The following USP15 variants were observed in gnomAD, a reference collection of about 807,000 sequenced individuals.
The protein encoded by USP15 is ubiquitin specific peptidase 15.
In USP15, 18 loss-of-function variants were observed where a neutral mutation model predicts 127.1. The observed-to-expected ratio is 0.14, with a 90% confidence interval of 0.10 to 0.21. USP15 has a LOEUF of 0.21. Among genes scored for constraint, USP15 ranks in the 10% least tolerant of loss-of-function variants. USP15 has a pLI of 1.00. For missense variants in USP15, 805 were observed against 1,159.9 expected, an observed-to-expected ratio of 0.69 and a Z score of 4.44; for synonymous variants, 364 against 393.7, an observed-to-expected ratio of 0.92 and a Z score of 0.89.
At chr12:62,285,552 C>T (rs1162433027) in intron 1 of USP15, among the ~76,000 whole-genome samples, 1 of 152,006 alleles carries the variant, frequency 6.6e-6, no homozygotes, top group Non-Finnish European at 1.5e-5. Context: ...AAAGTGTTTC[C>T]TAAGATAATG....
intron 8 of USP15, among the ~76,000 whole-genome samples, chr12:62,368,780 A>AT (rs1452957507): frequency 6.6e-6 from 1 of 152,106 alleles, no homozygotes; most frequent in Non-Finnish European, 1.5e-5. Flanking sequence ...GTGTCTTTTA[A>AT]TTGAGGCATT....
chr12:62,369,062 C>T (rs11615398), intron 8 of USP15, among the ~76,000 whole-genome samples: 11,862 of 152,166 alleles, frequency 0.078, 584 homozygotes, highest in Middle Eastern at 0.16. Flanking sequence ...TTTTAAAAGA[C>T]AGTACTTGTC....
intron 2 of USP15, among the ~76,000 whole-genome samples, chr12:62,299,589 A>G (rs1041702679): frequency 6.6e-6 from 1 of 152,070 alleles, no homozygotes; most frequent in Non-Finnish European, 1.5e-5. Context: ...AGTTGTTTTC[A>G]CGTTTTGGCT....
chr12:62,391,406 A>T lies in USP15; in HGVS notation c.2210A>T (p.Asp737Val). 1 of 1,611,642 alleles carries T rather than the reference A, an allele frequency of 6.2e-7. No individual in the cohort carries two copies. Among genetic ancestry groups the T allele is most frequent in the Admixed American group, 1.7e-5 (1 of 59,436 alleles). Reference protein sequence around the residue: ...IKDDTRHIRFDDRQLRLDERS... With the variant: ...IKDDTRHIRFVDRQLRLDERS... Reference sequence around the variant, plus strand: ...GATGATACCAGGCATATAAGATTTGATGATAGGCAGCTTAGGCTAGATGGT... The same window carrying T: ...GATGATACCAGGCATATAAGATTTGTTGATAGGCAGCTTAGGCTAGATGGT... The change falls in exon 16 of 22, where the codon GAT (aspartate) becomes GTT (valine). Residue 737 changes from aspartate to valine, a missense_variant. By Grantham distance (152) the Asp-to-Val change is radical. Transcript: ENST00000280377.
intron 8 of USP15, among the ~76,000 whole-genome samples, chr12:62,368,006 G>A (rs997297941): frequency 6.6e-6 from 1 of 152,288 alleles, no homozygotes; most frequent in Non-Finnish European, 1.5e-5. Flanking sequence ...CTGGTACGTT[G>A]TATCTTTGTT....
chr12:62,340,803 T>C (rs2065623475), intron 6 of USP15, among the ~76,000 whole-genome samples: 1 of 152,164 alleles, frequency 6.6e-6, no homozygotes, highest in South Asian at 2.1e-4. Context: ...ATTTATGTGA[T>C]TGATTTTAGA....
At chr12:62,365,315 A>C (rs535243478) in intron 8 of USP15, among the ~76,000 whole-genome samples, 1 of 152,228 alleles carries the variant, frequency 6.6e-6, no homozygotes, top group Admixed American at 6.5e-5. Flanking sequence ...AGTGATGAAG[A>C]GCTTTTTTTC....
intron 1 of USP15, among the ~76,000 whole-genome samples, chr12:62,293,482 G>C (rs569388660): frequency 9.2e-5 from 14 of 152,136 alleles, no homozygotes; most frequent in African/African-American, 3.4e-4. Context: ...TCAGCCTCTT[G>C]AGTAGCTGGG....
At position 62,321,585 on chromosome 12, in the gene USP15, G is replaced by A; in HGVS notation, c.597G>A (p.Gln199=). 1.3e-6 allele frequency: 2 copies of A among 1,594,228 alleles called. No homozygotes were observed. The highest frequency in any genetic ancestry group is 4.5e-5 in the East Asian group (2 of 43,976). ...EPLNKPDSTI[Q]DAGLYQGQVL... Reference sequence around the variant, plus strand: ...TGAATAAACCAGACAGCACCATTCAGGATGCTGGTTTATACCAAGGACAGG... The same window carrying A: ...TGAATAAACCAGACAGCACCATTCAAGATGCTGGTTTATACCAAGGACAGG... The change falls in exon 5 of 22, where the codon CAG becomes CAA. Residue 199 remains glutamine (Q), a synonymous_variant. Transcript: ENST00000280377.
At chr12:62,281,982 A>G (rs1459215072) in intron 1 of USP15, among the ~76,000 whole-genome samples, 8 of 152,126 alleles carry the variant, frequency 5.3e-5, no homozygotes, top group African/African-American at 1.4e-4. Context: ...GAACCTGCAA[A>G]TAGTAGCAAA....
At position 62,415,962 on chromosome 12, in the gene USP15, A is replaced by T. The variant is rs76735863; in HGVS notation, c.*11587A>T. On this transcript the variant is annotated 3_prime_UTR_variant, in exon 22 of 22. Transcript: ENST00000280377. ...CAGCTCTCTGTTCAATACGATTCATACTCAAGTTCTAATAAACTTTCTTTA... is the reference window on the plus strand; with the variant it reads ...CAGCTCTCTGTTCAATACGATTCATTCTCAAGTTCTAATAAACTTTCTTTA... The T allele has an allele frequency of 3.1e-3, 477 of 152,318 alleles. 1 individual carries two copies. The highest frequency in any genetic ancestry group is 0.011 in the African/African-American group (449 of 41,568). The allele number at this position is 152,318 out of a possible 1,614,324, so 9.4% of individuals were successfully genotyped here. A position where few individuals can be genotyped will look rare whatever the true frequency, so the allele number is the denominator to read the frequency against.
chr12:62,336,403 A>C (rs73136829), intron 6 of USP15: 14 of 985,216 alleles, frequency 1.4e-5, no homozygotes, highest in Admixed American at 6.2e-5. Context: ...AGCCATCCTG[A>C]GTTCCTCCTC....
chr12:62,338,659 A>T (rs1178505083), intron 6 of USP15, among the ~76,000 whole-genome samples: 1 of 152,068 alleles, frequency 6.6e-6, no homozygotes, highest in Non-Finnish European at 1.5e-5. Context: ...AGGTATAAGG[A>T]AGGGGTCCAG....
At chr12:62,345,427 G>A (rs1266857439) in intron 6 of USP15, among the ~76,000 whole-genome samples, 1 of 152,156 alleles carries the variant, frequency 6.6e-6, no homozygotes, top group Non-Finnish European at 1.5e-5. Flanking sequence ...TTTGGTCAAA[G>A]CCATTCAGCA....
intron 7 of USP15, among the ~76,000 whole-genome samples, chr12:62,353,578 G>C (rs1356851124): frequency 6.6e-6 from 1 of 151,938 alleles, no homozygotes; most frequent in Non-Finnish European, 1.5e-5. Context: ...TTTCTTCTCT[G>C]TAATGTGTAG....
At chr12:62,363,393 C>G (rs1565887683) in intron 8 of USP15, among the ~76,000 whole-genome samples, 1 of 152,066 alleles carries the variant, frequency 6.6e-6, no homozygotes, top group Non-Finnish European at 1.5e-5. Flanking sequence ...TTACCTTGTT[C>G]CATCCTCACC....
rs543138597 is a variant in USP15, at chr12:62,335,051, G to C, written c.683+9118G>C. 7.0e-5 allele frequency: 63 copies of C among 901,578 alleles called. No homozygotes were observed. In the Middle Eastern group the frequency reaches 2.2e-3, roughly 32 times the overall value. 55.8% of individuals were successfully genotyped at this position (901,578 alleles called of 1,614,324 possible). A position where few individuals can be genotyped will look rare whatever the true frequency, so the allele number is the denominator to read the frequency against. On this transcript the variant is annotated intron_variant, in intron 6 of 21. Transcript: ENST00000280377. ...AAGTCTTACCTTTTTCTGTCTGAGG[G>C]CACGATATGTTACACCTAGCCCAAA...
chr12:62,376,878 C>T (rs1025329838), intron 8 of USP15, among the ~76,000 whole-genome samples: 5 of 152,090 alleles, frequency 3.3e-5, no homozygotes, highest in African/African-American at 9.7e-5. Flanking sequence ...CTGCTACCTA[C>T]ACATGGAAGA....
chr12:62,269,062 A>G (rs1401707532), intron 1 of USP15, among the ~76,000 whole-genome samples: 1 of 152,138 alleles, frequency 6.6e-6, no homozygotes, highest in African/African-American at 2.4e-5. Flanking sequence ...AGGTTCATGC[A>G]TGTTATAGCA....
Sources: gnomAD v4.1 joint callset for allele counts (sites outside exome capture counted in the v4.1 genomes callset) on GRCh38, gnomAD v4.1.1 for gene constraint, MANE v1.5 for transcripts, NCBI Gene and HGNC (gene_info 2026-07-23, HGNC 2026-07-21) for gene names.